The following GPC6 variants were observed in gnomAD, a reference collection of about 807,000 sequenced individuals.
The protein encoded by GPC6 is glypican 6, also known as glypican-6.
A neutral mutation model predicts 55.2 loss-of-function variants in GPC6; 14 were observed. That is an observed-to-expected ratio of 0.25 (90% CI 0.17 to 0.40). GPC6 has a LOEUF of 0.40. GPC6 is among the 10% of genes least tolerant of loss of function. The probability of loss-of-function intolerance (pLI) is 1.00; values close to 1 mark genes in which losing one functional copy is unlikely to be tolerated. For missense variants in GPC6, 641 were observed against 708.5 expected, an observed-to-expected ratio of 0.90 and a Z score of 1.08; for synonymous variants, 278 against 259.6, an observed-to-expected ratio of 1.07 and a Z score of -0.68.
rs547748303 is a variant in GPC6, at chr13:94,233,045, C to T, written c.878-53304C>T. ...CCAGGAAACATGGAACTGACTTGCA[C>T]GGGAGGTCAGACTGGCTTAATTTGT... On this transcript the variant is annotated intron_variant, in intron 4 of 8. Transcript: ENST00000377047. Among the ~76,000 whole-genome samples, 71 of 131,866 alleles carry T rather than the reference C, an allele frequency of 5.4e-4. 1 individual carries two copies. Among genetic ancestry groups the T allele is most frequent in the South Asian group, 1.6e-3 (7 of 4,252 alleles). 86.5% of individuals were successfully genotyped at this position (131,866 alleles called of 152,430 possible).
intron 1 of GPC6, among the ~76,000 whole-genome samples, chr13:93,242,419 C>T (rs1230700748): frequency 1.4e-4 from 22 of 152,110 alleles, no homozygotes; most frequent in Admixed American, 1.4e-3. Flanking sequence ...AGAGAGGGAG[C>T]AGGGCTCTAC....
chr13:94,093,935 A>T (rs925779417), intron 4 of GPC6, among the ~76,000 whole-genome samples: 1 of 152,098 alleles, frequency 6.6e-6, no homozygotes, highest in Admixed American at 6.6e-5. Flanking sequence ...AACACAAGAA[A>T]ATTGGCCCTG....
chr13:94,299,037 T>G (rs1875499780), intron 5 of GPC6, among the ~76,000 whole-genome samples: 1 of 152,220 alleles, frequency 6.6e-6, no homozygotes, highest in Non-Finnish European at 1.5e-5. Flanking sequence ...TTTTATTTCT[T>G]CATAATCTTT....
chr13:94,098,213 C>T (rs755231967), intron 4 of GPC6, among the ~76,000 whole-genome samples: 5 of 152,118 alleles, frequency 3.3e-5, no homozygotes, highest in Non-Finnish European at 5.9e-5. Context: ...ATAGCTTTGG[C>T]CGTATGAGGC....
At chr13:94,052,101 C>T (rs1405619455) in intron 4 of GPC6, among the ~76,000 whole-genome samples, 1 of 152,114 alleles carries the variant, frequency 6.6e-6, no homozygotes, top group African/African-American at 2.4e-5. Flanking sequence ...TTAAATAAAG[C>T]ATCATGTTAA....
chr13:94,156,837 G>T (rs952699774), intron 4 of GPC6, among the ~76,000 whole-genome samples: 2 of 152,156 alleles, frequency 1.3e-5, no homozygotes, highest in African/African-American at 4.8e-5. Context: ...GCCTCTCACA[G>T]CTATATTGAT....
intron 1 of GPC6, among the ~76,000 whole-genome samples, chr13:93,486,250 G>A (rs934209802): frequency 2.0e-5 from 3 of 152,150 alleles, no homozygotes; most frequent in African/African-American, 7.2e-5. Context: ...GATGGGAGGT[G>A]AGCAAATGTC....
At chr13:94,388,660 G>T (rs1880516634) in intron 7 of GPC6, among the ~76,000 whole-genome samples, 1 of 152,162 alleles carries the variant, frequency 6.6e-6, no homozygotes, top group Non-Finnish European at 1.5e-5. Flanking sequence ...AGTTCTAGAG[G>T]CTGGGAAGTC....
chr13:93,298,702 C>G (rs1186736816), intron 1 of GPC6, among the ~76,000 whole-genome samples: 1 of 152,028 alleles, frequency 6.6e-6, no homozygotes, highest in Non-Finnish European at 1.5e-5. Context: ...CCCGCCTCAG[C>G]CTCCCAAAGT....
chr13:93,229,499 C>T (rs1475252210), intron 1 of GPC6, among the ~76,000 whole-genome samples: 1 of 152,200 alleles, frequency 6.6e-6, no homozygotes, highest in Non-Finnish European at 1.5e-5. Flanking sequence ...TCCTCAGCAT[C>T]AGGCACATCT....
At chr13:93,488,444 C>T (rs1462274725) in intron 1 of GPC6, among the ~76,000 whole-genome samples, 2 of 152,170 alleles carry the variant, frequency 1.3e-5, no homozygotes, top group Non-Finnish European at 2.9e-5. Context: ...GTGCATGTGT[C>T]TTTATAGCAG....
chr13:93,888,808 A>C (rs1875494407), intron 3 of GPC6, among the ~76,000 whole-genome samples: 1 of 152,152 alleles, frequency 6.6e-6, no homozygotes, highest in African/African-American at 2.4e-5. Flanking sequence ...CAGGAAAGAA[A>C]CCAAATTTAA....
At chr13:93,671,358 G>A (rs1881348580) in intron 2 of GPC6, among the ~76,000 whole-genome samples, 2 of 151,636 alleles carry the variant, frequency 1.3e-5, no homozygotes, top group African/African-American at 4.8e-5. Flanking sequence ...TTCTAAGCGT[G>A]GAATACCATT....
intron 3 of GPC6, among the ~76,000 whole-genome samples, chr13:93,960,352 C>T (rs1265740488): frequency 6.6e-6 from 1 of 152,208 alleles, no homozygotes; most frequent in Non-Finnish European, 1.5e-5. Flanking sequence ...GCCCATAACC[C>T]ATCACAGTCA....
At chr13:94,226,009 G>A (rs1012419459) in intron 4 of GPC6, among the ~76,000 whole-genome samples, 1 of 151,946 alleles carries the variant, frequency 6.6e-6, no homozygotes, top group Non-Finnish European at 1.5e-5. Flanking sequence ...ATTTCCCATG[G>A]GTGACGGTTC....
chr13:93,639,703 A>T (rs1051585911), intron 2 of GPC6, among the ~76,000 whole-genome samples: 1 of 152,152 alleles, frequency 6.6e-6, no homozygotes, highest in Admixed American at 6.6e-5. Context: ...GTTCAAAATA[A>T]TTGCCCGTTT....
intron 3 of GPC6, among the ~76,000 whole-genome samples, chr13:93,961,692 A>C (rs1351935704): frequency 1.3e-5 from 2 of 152,224 alleles, no homozygotes; most frequent in African/African-American, 4.8e-5. Context: ...GTTTAAAGAT[A>C]GAGGAAATGA....
chr13:93,307,846 C>T (rs1878911310), intron 1 of GPC6, among the ~76,000 whole-genome samples: 1 of 151,940 alleles, frequency 6.6e-6, no homozygotes, highest in Admixed American at 6.6e-5. Context: ...GTGTTCTCAC[C>T]ACAAAAATGA....
chr13:93,912,510 A>T (rs140739443), intron 3 of GPC6, among the ~76,000 whole-genome samples: 1 of 152,092 alleles, frequency 6.6e-6, no homozygotes, highest in Non-Finnish European at 1.5e-5. Context: ...TTGGGAGGCC[A>T]AGGCGGGCGG....
Sources: gnomAD v4.1 joint callset for allele counts (sites outside exome capture counted in the v4.1 genomes callset) on GRCh38, gnomAD v4.1.1 for gene constraint, MANE v1.5 for transcripts, NCBI Gene and HGNC (gene_info 2026-07-23, HGNC 2026-07-21) for gene names.